Variants in NCAM2 observed in about 807,000 individuals in gnomAD.
NCAM2 encodes the protein neural cell adhesion molecule 2.
A neutral mutation model predicts 98.1 loss-of-function variants in NCAM2; 30 were observed. The observed-to-expected ratio is 0.31, with a 90% confidence interval of 0.23 to 0.41. The LOEUF (loss-of-function observed/expected upper bound fraction) is 0.41. Among genes scored for constraint, NCAM2 ranks in the 10% least tolerant of loss-of-function variants. The probability of loss-of-function intolerance (pLI) is 1.00; values close to 1 mark genes in which losing one functional copy is unlikely to be tolerated. For missense variants in NCAM2, 867 were observed against 1,005.8 expected, an observed-to-expected ratio of 0.86 and a Z score of 1.87; for synonymous variants, 368 against 342.4, an observed-to-expected ratio of 1.07 and a Z score of -0.83.
At chr21:21,353,642 A>G (rs1385881698) in intron 8 of NCAM2, among the ~76,000 whole-genome samples, 1 of 152,182 alleles carries the variant, frequency 6.6e-6, no homozygotes, top group Non-Finnish European at 1.5e-5. Flanking sequence ...GATTTCTTAT[A>G]TCATCATCTT....
intron 8 of NCAM2, among the ~76,000 whole-genome samples, chr21:21,348,721 C>T (rs1302186751): frequency 6.6e-6 from 1 of 152,056 alleles, no homozygotes; most frequent in Non-Finnish European, 1.5e-5. Context: ...CATCATGATA[C>T]TGGTGTACAC....
chr21:21,074,236 T>A (rs1044722090), intron 1 of NCAM2, among the ~76,000 whole-genome samples: 4 of 151,978 alleles, frequency 2.6e-5, no homozygotes, highest in African/African-American at 9.7e-5. Context: ...TCTTAGAAAA[T>A]TATGATGTAT....
intron 1 of NCAM2, among the ~76,000 whole-genome samples, chr21:21,126,447 C>T (rs2146594113): frequency 6.6e-6 from 1 of 151,826 alleles, no homozygotes; most frequent in East Asian, 1.9e-4. Context: ...AAAATGTCTT[C>T]TAACTTTTGA....
intron 9 of NCAM2, among the ~76,000 whole-genome samples, chr21:21,376,007 G>A (rs1473095952): frequency 1.3e-5 from 2 of 151,760 alleles, no homozygotes; most frequent in Non-Finnish European, 2.9e-5. Flanking sequence ...GCACAGTAAG[G>A]CAGAGTGGCT....
chr21:21,177,853 GAA>G (rs1233064556), intron 1 of NCAM2, among the ~76,000 whole-genome samples: 1 of 151,126 alleles, frequency 6.6e-6, no homozygotes, highest in Non-Finnish European at 1.5e-5. Context: ...TCAATGAAAT[GAA>G]TTGCACTTTA....
At chr21:21,480,302 G>C (rs1430925465) in intron 15 of NCAM2, among the ~76,000 whole-genome samples, 2 of 148,116 alleles carry the variant, frequency 1.4e-5, no homozygotes, top group Non-Finnish European at 3.0e-5. Flanking sequence ...GGAAGGCGGA[G>C]CTTGCAGTGA....
chr21:21,061,588 A>C (rs7281300), intron 1 of NCAM2, among the ~76,000 whole-genome samples: 32,450 of 152,052 alleles, frequency 0.21, 3,943 homozygotes, highest in African/African-American at 0.31. Flanking sequence ...GAAGATACTA[A>C]TTATGTTGGA....
Position 21,335,670 on chromosome 21 carries a change from G to T in NCAM2, c.898+5G>T, listed in dbSNP as rs769460306. The T allele has an allele frequency of 6.3e-7, 1 of 1,596,214 alleles. No homozygotes were observed. ...AAGCTTTCCTCCAAGTCTTTGGTAA[G>T]TATTATAGCATAGTGGCTAAAACTG... On this transcript the variant is annotated splice_donor_5th_base_variant and intron_variant, in intron 7 of 17. Transcript: ENST00000400546.
chr21:21,331,509 C>CTATATATATATATA (rs748594575), intron 6 of NCAM2, among the ~76,000 whole-genome samples: 300 of 5,008 alleles, frequency 0.06, 87 homozygotes, highest in Middle Eastern at 0.1. Context: ...ACTCTATACT[C>CTATATATATATATA]TCTCTCTCTA....
rs764097299 is a variant in NCAM2 at position 21,508,808 on chromosome 21, C to CTTTT, written c.2078-14_2078-11dup. 1.3e-4 allele frequency: 54 copies of CTTTT among 413,238 alleles called. 2 individuals are homozygous for CTTTT. The highest frequency in any genetic ancestry group is 3.7e-4 in the African/African-American group (11 of 29,374). 25.6% of individuals were successfully genotyped at this position (413,238 alleles called of 1,614,324 possible). On this transcript the variant is annotated intron_variant, in intron 15 of 17. Coordinates refer to ENST00000400546, the MANE Select transcript of NCAM2 (RefSeq NM_004540.5). ...ATTTAGAGGTTTAATACTTTTTTTC[C>CTTTT]TTTTTTTTTTTTTTTTTTTTTTTTT...
At chr21:21,153,215 T>A (rs528939912) in intron 1 of NCAM2, among the ~76,000 whole-genome samples, 3 of 151,924 alleles carry the variant, frequency 2.0e-5, no homozygotes, top group African/African-American at 7.2e-5. Context: ...TTGGGTGCCT[T>A]TACAAAGCTC....
rs561130374 is a variant in NCAM2 at position 21,284,325 on chromosome 21, G to A, written c.262G>A (p.Ala88Thr). 1 of 1,612,854 alleles carries A rather than the reference G, an allele frequency of 6.2e-7. No homozygotes were observed. The highest frequency in any genetic ancestry group is 1.1e-5 in the South Asian group (1 of 91,052). ...CATCTACAATGCAAATATAGAAGAT[G>A]CAGGGATATATCGTTGTCAAGCAAC... ...LTIYNANIED[A>T]GIYRCQATDA... Residue 88 changes from alanine to threonine, a missense_variant, in exon 3 of 18, where the codon GCA becomes ACA. This residue lies in a region of NCAM2 where 447 missense variants were observed against 495.7 expected (regional missense o/e 0.90). Transcript: ENST00000400546.
intron 16 of NCAM2, among the ~76,000 whole-genome samples, chr21:21,531,272 T>G (rs940284273): frequency 6.6e-6 from 1 of 152,154 alleles, no homozygotes; most frequent in Non-Finnish European, 1.5e-5. Flanking sequence ...ATTTCATAAA[T>G]TTTTTTCAGT....
chr21:21,093,519 TAAAG>T lies in NCAM2; in HGVS notation c.55+94905_55+94908del, dbSNP rs759545150. Among the ~76,000 whole-genome samples the T allele has an allele frequency of 7.2e-5, 11 of 152,228 alleles. No homozygotes were observed. In the South Asian group the frequency reaches 1.0e-3, roughly 14 times the overall value. On this transcript the variant is annotated intron_variant, in intron 1 of 17. Coordinates refer to ENST00000400546, the MANE Select transcript of NCAM2 (RefSeq NM_004540.5). ...AACAAATCAGGCAGATTTGACCTGT[TAAAG>T]AAAATTGTCTTTGGTTACCATTCAC...
intron 1 of NCAM2, among the ~76,000 whole-genome samples, chr21:21,212,588 GCTGA>G (rs990200163): frequency 6.6e-5 from 10 of 152,160 alleles, no homozygotes; most frequent in African/African-American, 1.9e-4. Flanking sequence ...CCTGGGGAAA[GCTGA>G]CTAAGATAGG....
At chr21:21,099,625 CAT>C (rs1569022080) in intron 1 of NCAM2, among the ~76,000 whole-genome samples, 2 of 151,856 alleles carry the variant, frequency 1.3e-5, no homozygotes, top group African/African-American at 2.4e-5. Flanking sequence ...CCTTCCATGA[CAT>C]GTGGGGATTG....
chr21:21,027,043 A>G (rs2064563922), intron 1 of NCAM2, among the ~76,000 whole-genome samples: 1 of 151,646 alleles, frequency 6.6e-6, no homozygotes, highest in Non-Finnish European at 1.5e-5. Context: ...TTTTTAGTAG[A>G]GACGTGGTGT....
chr21:21,071,973 C>T (rs375075170), intron 1 of NCAM2, among the ~76,000 whole-genome samples: 15 of 151,804 alleles, frequency 9.9e-5, no homozygotes, highest in East Asian at 3.9e-4. Flanking sequence ...AGTGCAGTGG[C>T]GCGATCTCGG....
chr21:21,105,168 G>C (rs139571670), intron 1 of NCAM2, among the ~76,000 whole-genome samples: 7 of 152,226 alleles, frequency 4.6e-5, no homozygotes, highest in Non-Finnish European at 1.0e-4. Context: ...CATGTTTACA[G>C]AAATAGATAA....
Sources: gnomAD v4.1 joint callset for allele counts (sites outside exome capture counted in the v4.1 genomes callset) on GRCh38, gnomAD v4.1.1 for gene constraint, gnomAD v4.1.1 regional missense constraint, MANE v1.5 for transcripts, NCBI Gene and HGNC (gene_info 2026-07-23, HGNC 2026-07-21) for gene names.